The following MUC5B variants were observed in gnomAD, a reference collection of about 807,000 sequenced individuals.
MUC5B encodes the protein mucin-5B.
In MUC5B, 116 loss-of-function variants were observed where a neutral mutation model predicts 376.9. That is an observed-to-expected ratio of 0.31 (90% CI 0.26 to 0.36). The LOEUF is 0.36. Ranked by LOEUF, MUC5B falls within the 10% of genes least tolerant of loss-of-function variation. MUC5B has a pLI of 1.00. For missense variants in MUC5B, 7,165 were observed against 7,769.9 expected (o/e 0.92, Z 2.93); for synonymous variants, 3,517 against 3,390.9 (o/e 1.04, Z -1.29).
chr11:1,224,275 C>G (rs987022092), intron 1 of MUC5B, among the ~76,000 whole-genome samples: 21 of 152,114 alleles, frequency 1.4e-4, no homozygotes, highest in African/African-American at 5.1e-4. Flanking sequence ...ACCAGATGCA[C>G]GTCCTGTGGC....
intron 25 of MUC5B, among the ~76,000 whole-genome samples, chr11:1,237,818 A>G (rs992162844): frequency 6.6e-6 from 1 of 152,198 alleles, no homozygotes; most frequent in East Asian, 1.9e-4. Context: ...GCAGTGAGCC[A>G]AGATCGTGCC....
rs765335947 is a variant in MUC5B at position 1,243,097 on chromosome 11, C to T, written c.6217C>T (p.Pro2073Ser). The change falls in exon 31 of 49, where the codon CCT becomes TCT. Residue 2073 changes from proline (P) to serine (S), a missense_variant. Pro to Ser is a moderately conservative substitution (Grantham distance 74, BLOSUM62 -1). Coordinates refer to ENST00000529681, the MANE Select transcript of MUC5B (RefSeq NM_002458.3). ...PSSSPGTALT[P>S]PVWISTTTTP... is the part of the protein sequence containing the mutation. ...CTCCAGCCCAGGGACGGCACTCACG[C>T]CTCCAGTGTGGATCAGCACAACCAC... 1.2e-6 allele frequency: 2 copies of T among 1,603,088 alleles called. No homozygotes were observed. The highest frequency in any genetic ancestry group is 1.7e-6 in the Non-Finnish European group (2 of 1,172,988).
In MUC5B at chr11:1,251,480, C is replaced by T; in HGVS notation, c.14600C>T (p.Ala4867Val). The change falls in exon 31 of 49, where the codon GCC becomes GTC. Residue 4867 changes from alanine (A) to valine (V), a missense_variant. Coordinates refer to ENST00000529681, the MANE Select transcript of MUC5B (RefSeq NM_002458.3). ...VMVPTGSTAT[A>V]SSTLGTAHTP... ...GTGCCCACCGGTTCCACGGCCACCG[C>T]CTCCTCCACTCTGGGAACAGCTCAC... 1 of 1,613,244 alleles carries T rather than the reference C, an allele frequency of 6.2e-7. No individual in the cohort carries two copies. Among genetic ancestry groups the T allele is most frequent in the Non-Finnish European group, 8.5e-7 (1 of 1,179,754 alleles).
At chr11:1,231,663 G>A in intron 14 of MUC5B, 103 bp downstream of exon 14, 1 of 1,365,528 alleles carries the variant, frequency 7.3e-7, no homozygotes, top group South Asian at 1.4e-5. Flanking sequence ...AGGGGACCGG[G>A]GAGGGGGCTG....
In MUC5B at chr11:1,230,117, G is replaced by T; in HGVS notation, c.1333G>T (p.Gly445Cys). 1 of 1,611,152 alleles carries T rather than the reference G, an allele frequency of 6.2e-7. No homozygotes were observed. ...TGATGAGAAACTCTACGACCTGCAT[G>T]GTGACTGCAGCTACGTTCTGTCCAA... is the stretch of plus-strand genomic sequence containing the variant. The part of the protein sequence containing the change: ...TYDEKLYDLH[G>C]DCSYVLSKKC... Residue 445 changes from glycine (G) to cysteine (C), a missense_variant, in exon 11 of 49, where the codon GGT becomes TGT. By Grantham distance (159) the Gly-to-Cys change is radical. Transcript: ENST00000529681.
intron 46 of MUC5B, 130 bp from the exon 47 acceptor site, chr11:1,260,221 C>T: frequency 1.5e-6 from 2 of 1,373,958 alleles, no homozygotes; most frequent in African/African-American, 1.4e-5. Flanking sequence ...GGAAGCCCCA[C>T]CCCTGCCTGG....
At position 1,235,202 on chromosome 11, in the gene MUC5B, C is replaced by A; in HGVS notation, c.2748C>A (p.Ser916Arg). The A allele has an allele frequency of 6.2e-7, 1 of 1,612,986 alleles. No individual in the cohort carries two copies. Among genetic ancestry groups the A allele is most frequent in the Non-Finnish European group, 8.5e-7 (1 of 1,179,594 alleles). ...GCGATCGCTACAGCTTTGAAGGCAG[C>A]TGCGAGTACATCTTGGCCCAGGTAC... ...FDGDRYSFEG[S>R]CEYILAQDYC... Residue 916 changes from serine (S) to arginine (R), a missense_variant, in exon 22 of 49, where the codon AGC becomes AGA. This residue lies in a region of MUC5B where 530 missense variants were observed against 604.0 expected (regional missense o/e 0.88). Coordinates refer to ENST00000529681, the MANE Select transcript of MUC5B (RefSeq NM_002458.3).
chr11:1,240,698 G>A (rs889946193), intron 30 of MUC5B, among the ~76,000 whole-genome samples, 153 bp from the exon 31 acceptor site: 6 of 152,206 alleles, frequency 3.9e-5, no homozygotes, highest in African/African-American at 1.2e-4. Flanking sequence ...ATGCAGAAAC[G>A]GCTCTAACCA....
chr11:1,230,432 G>A, intron 11 of MUC5B, 58 bp from the exon 12 acceptor site: 1 of 1,466,912 alleles, frequency 6.8e-7, no homozygotes, highest in Non-Finnish European at 9.3e-7. Flanking sequence ...GCACACTTCT[G>A]GGGGGCACCC....
chr11:1,232,563 AC>A lies in MUC5B; in HGVS notation c.1938+24del. Reference sequence around the variant, plus strand: ...CCACTCGGTGAGAGGCTGAGGCCAGACCCCCACGCCTGGGCAGGATGGGTGG... The same window carrying A: ...CCACTCGGTGAGAGGCTGAGGCCAGACCCCACGCCTGGGCAGGATGGGTGG... On this transcript the variant is annotated intron_variant, in intron 16 of 48. Transcript: ENST00000529681. The A allele has an allele frequency of 2.5e-6, 4 of 1,606,244 alleles. No individual in the cohort carries two copies. Among genetic ancestry groups the A allele is most frequent in the Non-Finnish European group, 3.4e-6 (4 of 1,177,270 alleles).
Position 1,241,966 on chromosome 11 carries a change from C to G in MUC5B, c.5086C>G (p.Arg1696Gly). The G allele has an allele frequency of 6.2e-7, 1 of 1,602,428 alleles. No individual in the cohort carries two copies. The highest frequency in any genetic ancestry group is 8.5e-7 in the Non-Finnish European group (1 of 1,174,968). The change falls in exon 31 of 49, where the codon CGC (arginine) becomes GGC (glycine). Residue 1696 changes from arginine to glycine, a missense_variant. Transcript: ENST00000529681. Reference protein sequence around the residue: ...PGVATSTLPTRSALPGTTGSL... With the variant: ...PGVATSTLPTGSALPGTTGSL... ...GGTGGCCACATCCACCCTTCCAACA[C>G]GCTCAGCCCTTCCAGGGACGACGGG...
chr11:1,226,317 T>C, intron 3 of MUC5B, 41 bp downstream of exon 3: 1 of 1,545,834 alleles, frequency 6.5e-7, no homozygotes, highest in Non-Finnish European at 8.7e-7. Context: ...AGGGGGTGTT[T>C]GCCAGTCCCA....
chr11:1,239,764 C>T (rs1296474797), intron 27 of MUC5B, 35 bp from the exon 28 acceptor site: 1 of 1,590,318 alleles, frequency 6.3e-7, no homozygotes, highest in Non-Finnish European at 8.6e-7. Context: ...ACTAAAGGGC[C>T]CTGGTGAGTC....
Position 1,260,335 on chromosome 11 carries a change from C to G in MUC5B, c.16924-16C>G. On this transcript the variant is annotated splice_polypyrimidine_tract_variant and intron_variant, in intron 46 of 48. Transcript: ENST00000529681. ...CCCCGCCCACAGCCCTGCCCCCTGT[C>G]TTTGGCCCCCACCAGGGGAGCCTCA... The G allele has an allele frequency of 6.2e-7, 1 of 1,612,154 alleles. No homozygotes were observed. Among genetic ancestry groups the G allele is most frequent in the Non-Finnish European group, 8.5e-7 (1 of 1,179,538 alleles).
At chr11:1,224,333 C>T (rs1861829992) in intron 1 of MUC5B, among the ~76,000 whole-genome samples, 1 of 152,046 alleles carries the variant, frequency 6.6e-6, no homozygotes, top group Non-Finnish European at 1.5e-5. Context: ...GGGGACACAC[C>T]CCAAAGTGAT....
rs1554938492 is a variant in MUC5B, at chr11:1,247,340, C to T, written c.10460C>T (p.Pro3487Leu). The T allele has an allele frequency of 1.9e-6, 3 of 1,611,342 alleles. No homozygotes were observed. The highest frequency in any genetic ancestry group is 2.5e-6 in the Non-Finnish European group (3 of 1,179,532). Residue 3487 changes from proline to leucine, a missense_variant, in exon 31 of 49, where the codon CCT (proline) becomes CTT (leucine). Around this residue, in one of 31 missense-constraint regions of MUC5B, gnomAD observed 939 missense variants for 770.6 expected, o/e 1.22. Transcript: ENST00000529681. ...GILGTTHITE[P>L]STVTSHTPAA... ...TTGGGCACCACCCACATCACAGAGC[C>T]TTCCACGGTGACTTCCCACACCCCA... is the stretch of plus-strand genomic sequence containing the variant.
intron 26 of MUC5B, 171 bp downstream of exon 26, chr11:1,239,198 C>T (rs548884959): frequency 1.0e-6 from 1 of 953,492 alleles, no homozygotes; most frequent in East Asian, 2.6e-5. Context: ...AAGACCTGTG[C>T]AAAACCACCA....
Position 1,257,822 on chromosome 11 carries a change from C to T in MUC5B, c.16450+112C>T. ...GAGAGCAGAGGAGAGCCACTGTGTCCTGGCGTGACCGCGGCAGGACCACTC... is the reference window on the plus strand; with the variant it reads ...GAGAGCAGAGGAGAGCCACTGTGTCTTGGCGTGACCGCGGCAGGACCACTC... On this transcript the variant is annotated intron_variant, in intron 41 of 48. Transcript: ENST00000529681. The surrounding 1 kb of genome is among the most constrained non-coding windows in gnomAD (Gnocchi z 8.9). The T allele has an allele frequency of 2.3e-6, 3 of 1,298,842 alleles. No individual in the cohort carries two copies. The East Asian group carries it at 7.6e-5, about 33-fold the overall frequency. The allele number at this position is 1,298,842 out of a possible 1,614,324, so 80.5% of individuals were successfully genotyped here.
Position 1,252,954 on chromosome 11 carries a change from C to A in MUC5B, c.15191C>A (p.Pro5064His). The change falls in exon 33 of 49, where the codon CCC becomes CAC. Residue 5064 changes from proline to histidine, a missense_variant. This residue lies in a region of MUC5B where 842 missense variants were observed against 1,016.9 expected (regional missense o/e 0.83). Transcript: ENST00000529681. ...LPIKVSDPSQ[P>H]CDFHYECECI... ...ATCAAAGTGTCGGACCCGAGCCAGCCCTGTGACTTCCACTATGAGTGCGAG... is the reference window on the plus strand; with the variant it reads ...ATCAAAGTGTCGGACCCGAGCCAGCACTGTGACTTCCACTATGAGTGCGAG... 6.2e-7 allele frequency: 1 copy of A among 1,612,678 alleles called. No homozygotes were observed. Among genetic ancestry groups the A allele is most frequent in the Non-Finnish European group, 8.5e-7 (1 of 1,179,866 alleles).
Sources: gnomAD v4.1 joint callset for allele counts (sites outside exome capture counted in the v4.1 genomes callset) on GRCh38, gnomAD v4.1.1 for gene constraint, gnomAD v4.1.1 regional missense constraint, Gnocchi (gnomAD v3.1) non-coding constraint, MANE v1.5 for transcripts, NCBI Gene and HGNC (gene_info 2026-07-23, HGNC 2026-07-21) for gene names.